RFTN2: variants seen among roughly 807,000 people sequenced by gnomAD.
RFTN2 encodes the protein raftlin family member 2.
In RFTN2, 34 loss-of-function variants were observed where a neutral mutation model predicts 52.7. The observed-to-expected ratio is 0.64, with a 90% CI of 0.49 to 0.86. RFTN2 has a LOEUF of 0.86. Among genes scored for constraint, RFTN2 ranks in the 40% least tolerant of loss-of-function variants. The pLI is 0.00. For missense variants in RFTN2, 536 were observed against 600.1 expected, an observed-to-expected ratio of 0.89 and a Z score of 1.12; for synonymous variants, 203 against 217.7, an observed-to-expected ratio of 0.93 and a Z score of 0.59.
At chr2:197,619,363 T>G (rs1271536150) in intron 5 of RFTN2, among the ~76,000 whole-genome samples, 1 of 152,120 alleles carries the variant, frequency 6.6e-6, no homozygotes, top group Non-Finnish European at 1.5e-5. Flanking sequence ...TAGAAAGAGG[T>G]AGACATGGGA....
At chr2:197,578,207 G>T (rs1402668908) in intron 8 of RFTN2, among the ~76,000 whole-genome samples, 1 of 152,014 alleles carries the variant, frequency 6.6e-6, no homozygotes, top group Non-Finnish European at 1.5e-5. Context: ...CACTTAACAA[G>T]AATTTTCTTA....
intron 1 of RFTN2, among the ~76,000 whole-genome samples, chr2:197,653,866 T>A (rs2088856484): frequency 6.6e-6 from 1 of 152,234 alleles, no homozygotes; most frequent in African/African-American, 2.4e-5. Context: ...TTTAGTTGTC[T>A]AAGTACACTT....
intron 3 of RFTN2, among the ~76,000 whole-genome samples, chr2:197,640,200 C>T (rs2088640104): frequency 6.6e-6 from 1 of 152,192 alleles, no homozygotes. Flanking sequence ...TTGTCTGTGC[C>T]CTGCCCCCAG....
rs750937104 is a variant in RFTN2 at position 197,591,912 on chromosome 2, C to G, written c.1233+4079G>C. Among the ~76,000 whole-genome samples the G allele has an allele frequency of 1.6e-4, 24 of 152,056 alleles. 1 individual carries two copies. The highest frequency in any genetic ancestry group is 2.5e-4 in the Non-Finnish European group (17 of 67,994). The stretch of plus-strand genomic sequence containing the variant: ...GCACTGTGCGCAGAACTGGTTCCTG[C>G]CCCGTGCCTCTCCCTCCACGCCTCT... On this transcript the variant is annotated intron_variant, in intron 8 of 8. Coordinates refer to ENST00000295049, the MANE Select transcript of RFTN2 (RefSeq NM_144629.3).
intron 8 of RFTN2, among the ~76,000 whole-genome samples, chr2:197,577,361 A>C (rs1204689968): frequency 2.6e-5 from 4 of 152,268 alleles, no homozygotes; most frequent in Non-Finnish European, 5.9e-5. Context: ...GCCCCAAGTT[A>C]GACACAGTTT....
chr2:197,620,492 C>T (rs1012845876), intron 5 of RFTN2, among the ~76,000 whole-genome samples: 1 of 152,140 alleles, frequency 6.6e-6, no homozygotes, highest in African/African-American at 2.4e-5. Context: ...GCAAACTTTT[C>T]AAAGGATCTT....
chr2:197,662,917 C>A (rs1453938141), intron 1 of RFTN2, among the ~76,000 whole-genome samples: 1 of 152,138 alleles, frequency 6.6e-6, no homozygotes. Context: ...TGAGCCACTG[C>A]ACCTGGCCCC....
chr2:197,597,214 T>C lies in RFTN2; in HGVS notation c.1155-1145A>G, dbSNP rs536681070. Among the ~76,000 whole-genome samples the C allele has an allele frequency of 9.1e-4, 138 of 152,350 alleles. 1 individual carries two copies. Among genetic ancestry groups the C allele is most frequent in the African/African-American group, 3.1e-3 (131 of 41,588 alleles). ...AGTGATAACAGGAGACTGCTTCTTT[T>C]TTATTTTTGAAAGGCTGTTTCTAGT... On this transcript the variant is annotated intron_variant, in intron 7 of 8. Transcript: ENST00000295049.
At chr2:197,670,189 T>G (rs1190189383) in intron 1 of RFTN2, among the ~76,000 whole-genome samples, 1 of 152,212 alleles carries the variant, frequency 6.6e-6, no homozygotes, top group Non-Finnish European at 1.5e-5. Flanking sequence ...GTTGAATAGT[T>G]GTGACAGAGA....
chr2:197,628,770 TG>T, intron 5 of RFTN2, among the ~76,000 whole-genome samples: 1 of 152,236 alleles, frequency 6.6e-6, no homozygotes, highest in Non-Finnish European at 1.5e-5. Context: ...CTAGGCATTC[TG>T]GGAGTCACTT....
At chr2:197,587,299 C>T (rs771482104) in intron 8 of RFTN2, among the ~76,000 whole-genome samples, 2 of 151,946 alleles carry the variant, frequency 1.3e-5, no homozygotes, top group Non-Finnish European at 1.5e-5. Context: ...AAATTTTCGC[C>T]GTCCCAACAC....
intron 8 of RFTN2, among the ~76,000 whole-genome samples, chr2:197,575,329 G>A (rs1005524863): frequency 2.6e-5 from 4 of 152,272 alleles, no homozygotes; most frequent in South Asian, 2.1e-4. Context: ...TATTAGCAAC[G>A]TGAGAACAGA....
chr2:197,673,463 TG>T (rs1458558365), intron 1 of RFTN2, among the ~76,000 whole-genome samples: 2 of 151,878 alleles, frequency 1.3e-5, no homozygotes, highest in Admixed American at 1.3e-4. Context: ...AACAAAAACA[TG>T]GGGAAAAATT....
At chr2:197,574,870 AAAACAAACAAAC>A (rs79026014) in intron 8 of RFTN2, among the ~76,000 whole-genome samples, 3 of 150,618 alleles carry the variant, frequency 2.0e-5, no homozygotes, top group South Asian at 4.2e-4. Context: ...CTCCATCTCA[AAAACAAACAAAC>A]AAACAAACAA....
At chr2:197,590,194 C>A (rs142264185) in intron 8 of RFTN2, among the ~76,000 whole-genome samples, 1 of 152,046 alleles carries the variant, frequency 6.6e-6, no homozygotes, top group Non-Finnish European at 1.5e-5. Flanking sequence ...TGTGAGCCAC[C>A]GCACCTGGCC....
intron 1 of RFTN2, among the ~76,000 whole-genome samples, chr2:197,650,849 G>A (rs562657403): frequency 6.6e-6 from 1 of 152,236 alleles, no homozygotes; most frequent in African/African-American, 2.4e-5. Flanking sequence ...CTATTTATAA[G>A]TTTTTGAGGA....
chr2:197,570,916 G>T lies in RFTN2; in HGVS notation c.*1092C>A, dbSNP rs994144171. The stretch of plus-strand genomic sequence containing the variant: ...AGAATAAGTTGTAATTCACTTGGAG[G>T]TTCCATCTTTCAAAGTAAGCCTTTC... On this transcript the variant is annotated 3_prime_UTR_variant, in exon 9 of 9. Transcript: ENST00000295049. 1 of 152,252 alleles carries T rather than the reference G, an allele frequency of 6.6e-6. No individual in the cohort carries two copies. The highest frequency in any genetic ancestry group is 2.1e-4 in the South Asian group (1 of 4,834). 9.4% of individuals were successfully genotyped at this position (152,252 alleles called of 1,614,324 possible).
At chr2:197,623,852 C>G (rs779546215) in intron 5 of RFTN2, among the ~76,000 whole-genome samples, 1 of 152,060 alleles carries the variant, frequency 6.6e-6, no homozygotes, top group African/African-American at 2.4e-5. Context: ...TTAGTAGAGA[C>G]AGGGTTTCAC....
chr2:197,583,172 A>T (rs1025463337), intron 8 of RFTN2, among the ~76,000 whole-genome samples: 3 of 152,158 alleles, frequency 2.0e-5, no homozygotes, highest in Non-Finnish European at 4.4e-5. Flanking sequence ...TCAGTGTTCT[A>T]TCTGCTATTC....
Sources: allele counts gnomAD v4.1 joint callset (sites outside exome capture counted in the v4.1 genomes callset), GRCh38; gene constraint gnomAD v4.1.1; transcripts MANE v1.5; gene names NCBI Gene and HGNC (gene_info 2026-07-23, HGNC 2026-07-21).